Variants in SLIT3 observed in about 807,000 individuals in gnomAD.
SLIT3 encodes the protein slit homolog 3 protein.
Under a neutral mutation model 184.0 loss-of-function variants are expected in SLIT3, and 68 were observed. The observed-to-expected ratio is 0.37, with a 90% CI of 0.30 to 0.45. SLIT3 has a LOEUF of 0.45. Among genes scored for constraint, SLIT3 ranks in the 20% least tolerant of loss-of-function variants. SLIT3 has a pLI of 1.00. For missense variants in SLIT3, 1,707 were observed against 2,026.0 expected (o/e 0.84, Z 3.02); for synonymous variants, 831 against 828.6 (o/e 1.00, Z -0.05).
chr5:168,959,481 T>C (rs998438467), intron 4 of SLIT3, among the ~76,000 whole-genome samples: 1 of 152,168 alleles, frequency 6.6e-6, no homozygotes, highest in Non-Finnish European at 1.5e-5. Context: ...TGTGCCTCAT[T>C]GTCTGCGTCT....
At chr5:169,245,034 C>T (rs896453573) in intron 2 of SLIT3, among the ~76,000 whole-genome samples, 2 of 152,136 alleles carry the variant, frequency 1.3e-5, no homozygotes, top group Admixed American at 6.5e-5. Flanking sequence ...CAGTAAATGT[C>T]CCCCCAAGCA....
intron 10 of SLIT3, 118 bp from the exon 11 acceptor site, chr5:168,789,749 A>C (rs1756289912): frequency 2.6e-6 from 2 of 765,846 alleles, no homozygotes; most frequent in Middle Eastern, 2.3e-4. Flanking sequence ...CAATCAATCA[A>C]GCAATTCATT....
intron 3 of SLIT3, among the ~76,000 whole-genome samples, chr5:169,233,739 A>G (rs1388176188): frequency 6.6e-6 from 1 of 152,146 alleles, no homozygotes; most frequent in Non-Finnish European, 1.5e-5. Context: ...TTTTATTCCA[A>G]TCTTTATATC....
chr5:168,885,396 C>T (rs1350703729), intron 4 of SLIT3, among the ~76,000 whole-genome samples: 1 of 152,242 alleles, frequency 6.6e-6, no homozygotes, highest in Non-Finnish European at 1.5e-5. Context: ...AGTCGGGGCG[C>T]TGAACAAAGC....
intron 20 of SLIT3, among the ~76,000 whole-genome samples, chr5:168,733,636 G>A (rs1763349160): frequency 6.6e-6 from 1 of 152,018 alleles, no homozygotes; most frequent in African/African-American, 2.4e-5. Context: ...CAAGGGTTGG[G>A]ATGCAAGGGA....
chr5:168,741,256 G>A (rs1301878340), intron 20 of SLIT3, among the ~76,000 whole-genome samples: 2 of 152,054 alleles, frequency 1.3e-5, no homozygotes, highest in African/African-American at 2.4e-5. Flanking sequence ...GGATCACGAG[G>A]TCAGGAGATT....
chr5:168,806,597 C>T lies in SLIT3; in HGVS notation c.794-10G>A, dbSNP rs372479021. ...GGCTCCGAGTGGGGGGCTGTGGAGC[C>T]AAGACACAACGGTCAACTTATGTCA... On this transcript the variant is annotated splice_polypyrimidine_tract_variant and intron_variant, in intron 8 of 35. Transcript: ENST00000519560. 1.9e-6 allele frequency: 3 copies of T among 1,613,836 alleles called. No homozygotes were observed. The African/African-American group carries it at 4.0e-5, about 22-fold the overall frequency.
chr5:168,671,848 C>T (rs1761260239), intron 33 of SLIT3, among the ~76,000 whole-genome samples: 1 of 152,160 alleles, frequency 6.6e-6, no homozygotes, highest in Non-Finnish European at 1.5e-5. Flanking sequence ...CACCAAATAA[C>T]CTGCTGTCCC....
chr5:169,024,168 G>T (rs1210544137), intron 4 of SLIT3: 1 of 152,272 alleles, frequency 6.6e-6, no homozygotes, highest in Non-Finnish European at 1.5e-5. Context: ...AGATTATTGA[G>T]CGTGAACACA....
Position 169,198,589 on chromosome 5 carries a change from G to A in SLIT3, c.342-5039C>T, listed in dbSNP as rs578048944. Among the ~76,000 whole-genome samples, 4 of 152,258 alleles carry A rather than the reference G, an allele frequency of 2.6e-5. No individual in the cohort carries two copies. In the South Asian group the frequency reaches 6.2e-4, roughly 24 times the overall value. ...TTGGCTTTTTACAGATAGTAAGAGGGAGCCAGAGAAAGGGTTTGAGCAAGG... is the reference window on the plus strand; with the variant it reads ...TTGGCTTTTTACAGATAGTAAGAGGAAGCCAGAGAAAGGGTTTGAGCAAGG... On this transcript the variant is annotated intron_variant, in intron 3 of 35. Coordinates refer to ENST00000519560, the MANE Select transcript of SLIT3 (RefSeq NM_003062.4).
At chr5:169,207,370 TACACACACACACACACAC>T (rs56721949) in intron 3 of SLIT3, among the ~76,000 whole-genome samples, 12 of 131,932 alleles carry the variant, frequency 9.1e-5, no homozygotes, top group South Asian at 2.7e-4. Context: ...TACACATACA[TACACACACACACACACAC>T]ACACACACAC....
rs1051227176 is a variant in SLIT3 at position 168,883,355 on chromosome 5, G to A, written c.414-19C>T. 5.0e-6 allele frequency: 8 copies of A among 1,594,582 alleles called. No individual in the cohort carries two copies. The highest frequency in any genetic ancestry group is 4.0e-5 in the African/African-American group (3 of 74,534). The stretch of plus-strand genomic sequence containing the variant: ...CAAATCTCTAAACAAGAAGAGAAGA[G>A]GCACACTGCATTAAAGACCCAGGCT... On this transcript the variant is annotated intron_variant, in intron 4 of 35. Transcript: ENST00000519560.
At chr5:169,174,834 C>T (rs932160077) in intron 4 of SLIT3, among the ~76,000 whole-genome samples, 9 of 152,214 alleles carry the variant, frequency 5.9e-5, no homozygotes, top group South Asian at 2.1e-4. Context: ...GATCTCTCTC[C>T]GCTCTTTATC....
rs368709067 is a variant in SLIT3 at position 169,272,054 on chromosome 5, TCTGC to T, written c.198-20599_198-20596del. ...CATCAAGCTCTCCATGTCAACATTCTCTGCCTGGGCAGTGCCTGAGCTATAGGAG... is the reference window on the plus strand; with the variant it reads ...CATCAAGCTCTCCATGTCAACATTCTCTGGGCAGTGCCTGAGCTATAGGAG... On this transcript the variant is annotated intron_variant, in intron 1 of 35. Transcript: ENST00000519560. Among the ~76,000 whole-genome samples the T allele has an allele frequency of 1.8e-4, 28 of 152,332 alleles. No homozygotes were observed. The East Asian group carries it at 5.0e-3, about 27-fold the overall frequency.
At chr5:169,131,929 G>A (rs781372450) in intron 4 of SLIT3, among the ~76,000 whole-genome samples, 1 of 152,184 alleles carries the variant, frequency 6.6e-6, no homozygotes, top group Non-Finnish European at 1.5e-5. Context: ...TATCACTTTT[G>A]TGTAGCAGCT....
chr5:168,955,748 G>A (rs573002668), intron 4 of SLIT3, among the ~76,000 whole-genome samples: 1 of 152,364 alleles, frequency 6.6e-6, no homozygotes, highest in Non-Finnish European at 1.5e-5. Flanking sequence ...TTGAAAGACT[G>A]TGTTGAGGCC....
At chr5:168,808,138 T>C (rs905365087) in intron 8 of SLIT3, among the ~76,000 whole-genome samples, 1 of 152,180 alleles carries the variant, frequency 6.6e-6, no homozygotes, top group Non-Finnish European at 1.5e-5. Context: ...TTGCCAGTGC[T>C]ACACAAGTGG....
chr5:169,295,979 T>G (rs913336419), intron 1 of SLIT3, among the ~76,000 whole-genome samples: 17 of 152,194 alleles, frequency 1.1e-4, no homozygotes, highest in Non-Finnish European at 1.9e-4. Context: ...AGTAGGAGTT[T>G]TGCAAGGTTG....
intron 3 of SLIT3, among the ~76,000 whole-genome samples, chr5:169,210,336 T>C (rs1402497907): frequency 6.6e-6 from 1 of 152,224 alleles, no homozygotes; most frequent in Non-Finnish European, 1.5e-5. Context: ...TTTACTTGCA[T>C]TATATTTTTT....
Sources: gnomAD v4.1 joint callset for allele counts (sites outside exome capture counted in the v4.1 genomes callset) on GRCh38, gnomAD v4.1.1 for gene constraint, MANE v1.5 for transcripts, NCBI Gene and HGNC (gene_info 2026-07-23, HGNC 2026-07-21) for gene names.